The following GNG4 variants were observed in gnomAD, a reference collection of about 807,000 sequenced individuals.
GNG4 encodes the protein G protein subunit gamma 4, also known as guanine nucleotide-binding protein G(I)/G(S)/G(O) subunit gamma-4.
In GNG4, 4 loss-of-function variants were observed where a neutral mutation model predicts 5.8. That is an observed-to-expected ratio of 0.69 (90% confidence interval 0.34 to 1.57). GNG4 has a LOEUF of 1.57. Among genes scored for constraint, GNG4 ranks in the 40% most tolerant of loss-of-function variants. The pLI, the probability that GNG4 is intolerant of heterozygous loss-of-function variation, is 0.06. For synonymous variants in GNG4, 29 were observed against 32.9 expected (o/e 0.88, Z 0.41); for missense variants, 96 against 95.1 (o/e 1.01, Z -0.04).
In GNG4 at chr1:235,644,455, T is replaced by C. The variant is rs912745034; in HGVS notation, c.-123+5207A>G. Among the ~76,000 whole-genome samples the C allele has an allele frequency of 1.1e-4, 16 of 152,282 alleles. 1 individual carries two copies. In the South Asian group the frequency reaches 1.7e-3, roughly 16 times the overall value. ...GGGCATGAGCAAGCCTGACGCTGTC[T>C]CTCATCCTGGTAACACCTTCTTCCC... On this transcript the variant is annotated intron_variant, in intron 1 of 3. Coordinates refer to ENST00000391854, the MANE Select transcript of GNG4 (RefSeq NM_001098722.2). This position sits in a 1 kb window ranked among gnomAD's most constrained non-coding sequence, Gnocchi z 5.9.
At chr1:235,619,782 G>C (rs1052165667) in intron 1 of GNG4, among the ~76,000 whole-genome samples, 4 of 152,142 alleles carry the variant, frequency 2.6e-5, no homozygotes, top group Non-Finnish European at 5.9e-5. Context: ...CAAAGTTTAT[G>C]ACTCTGGAAG....
chr1:235,551,939 A>T lies in GNG4; in HGVS notation c.*170T>A. ...ATAACATGAAAATGAAAAGGAAAAA[A>T]ATGAAATTGAATGCCACGAAGAAAA... On this transcript the variant is annotated 3_prime_UTR_variant, in exon 4 of 4. Transcript: ENST00000391854. 1 of 525,038 alleles carries T rather than the reference A, an allele frequency of 1.9e-6. No individual in the cohort carries two copies. The allele number at this position is 525,038 out of a possible 1,614,324, so 32.5% of individuals were successfully genotyped here.
intron 1 of GNG4, among the ~76,000 whole-genome samples, chr1:235,612,168 C>T (rs922226821): frequency 6.6e-6 from 1 of 151,918 alleles, no homozygotes; most frequent in Non-Finnish European, 1.5e-5. Context: ...TGGAAGACAG[C>T]CCCTCTTTAG....
At chr1:235,600,129 T>TTTTTTTTTTTTTTTTTTTTTG (rs1289825136) in intron 1 of GNG4, among the ~76,000 whole-genome samples, 1 of 113,016 alleles carries the variant, frequency 8.8e-6, no homozygotes, top group Non-Finnish European at 1.8e-5. Flanking sequence ...TTTTTTTTTT[T>TTTTTTTTTTTTTTTTTTTTTG]AGACAGGCAG....
chr1:235,554,440 C>T (rs761127761), intron 3 of GNG4, among the ~76,000 whole-genome samples: 1 of 152,236 alleles, frequency 6.6e-6, no homozygotes, highest in South Asian at 2.1e-4. Context: ...GCAGCACACA[C>T]AAGGGCTGCA....
Position 235,583,849 on chromosome 1 carries a change from C to G in GNG4, c.-10-1G>C. The stretch of plus-strand genomic sequence containing the variant: ...CATGCCCTCTTTCATTCTACTGCCC[C>G]TAGAAGTAACCAAAGTAAAAGGGTT... On this transcript the variant is annotated splice_acceptor_variant, in intron 2 of 3. Coordinates refer to ENST00000391854, the MANE Select transcript of GNG4 (RefSeq NM_001098722.2). LOFTEE classifies it low-confidence loss of function (5UTR_SPLICE). 1 of 1,590,966 alleles carries G rather than the reference C, an allele frequency of 6.3e-7. No individual in the cohort carries two copies. Among genetic ancestry groups the G allele is most frequent in the Non-Finnish European group, 8.6e-7 (1 of 1,159,116 alleles).
chr1:235,552,822 C>T (rs929615589), intron 3 of GNG4, among the ~76,000 whole-genome samples: 2 of 152,008 alleles, frequency 1.3e-5, no homozygotes, highest in African/African-American at 4.8e-5. Context: ...AGTGTGGTGG[C>T]GTGATCTCCG....
At chr1:235,557,645 T>C (rs1267016795) in intron 3 of GNG4, among the ~76,000 whole-genome samples, 1 of 152,108 alleles carries the variant, frequency 6.6e-6, no homozygotes, top group Non-Finnish European at 1.5e-5. Flanking sequence ...TCAACATCCA[T>C]CATGGGCCAG....
chr1:235,580,925 A>AT (rs1312765908), intron 3 of GNG4, among the ~76,000 whole-genome samples: 1 of 151,334 alleles, frequency 6.6e-6, no homozygotes, highest in African/African-American at 2.4e-5. Flanking sequence ...TAATTTTTGT[A>AT]TTTTTTAGTA....
At chr1:235,572,508 C>CTT (rs71174442) in intron 3 of GNG4, among the ~76,000 whole-genome samples, 1,483 of 127,398 alleles carry the variant, frequency 0.012, 37 homozygotes, top group African/African-American at 0.041. Context: ...TTTTTTTTTT[C>CTT]TTTTTTTTTT....
At position 235,649,448 on chromosome 1, in the gene GNG4, G is replaced by T. The variant is rs1042967543; in HGVS notation, c.-123+214C>A. ...TCCACACCCGCGCGCGGGCTTCCCCGGGGCCCGGCGGGAGGTCCCGGGAGA... is the reference window on the plus strand; with the variant it reads ...TCCACACCCGCGCGCGGGCTTCCCCTGGGCCCGGCGGGAGGTCCCGGGAGA... On this transcript the variant is annotated intron_variant, in intron 1 of 3. Coordinates refer to ENST00000391854, the MANE Select transcript of GNG4 (RefSeq NM_001098722.2). The surrounding 1 kb of genome is among the most constrained non-coding windows in gnomAD (Gnocchi z 5.7). 3.3e-5 allele frequency among the ~76,000 whole-genome samples: 5 copies of T among 151,806 alleles called. No homozygotes were observed. The highest frequency in any genetic ancestry group is 1.2e-4 in the African/African-American group (5 of 41,308).
intron 1 of GNG4, among the ~76,000 whole-genome samples, chr1:235,605,348 G>A (rs949902673): frequency 3.9e-5 from 6 of 152,044 alleles, no homozygotes; most frequent in East Asian, 3.9e-4. Flanking sequence ...GCGCCACCAC[G>A]CCCAGCTAAT....
At position 235,551,099 on chromosome 1, in the gene GNG4, C is replaced by G. The variant is rs1462346554; in HGVS notation, c.*1010G>C. 1.3e-5 allele frequency: 2 copies of G among 152,358 alleles called. No individual in the cohort carries two copies. The highest frequency in any genetic ancestry group is 2.9e-5 in the Non-Finnish European group (2 of 68,162). The allele number at this position is 152,358 out of a possible 1,614,324, so 9.4% of individuals were successfully genotyped here. On this transcript the variant is annotated 3_prime_UTR_variant, in exon 4 of 4. Transcript: ENST00000391854. ...GAGAGGGGAGACCGCACCCACAGGT[C>G]TGCCACAGCGCGTCAACGGTATGGG...
At chr1:235,645,790 T>A (rs1657489751) in intron 1 of GNG4, among the ~76,000 whole-genome samples, 1 of 92,356 alleles carries the variant, frequency 1.1e-5, no homozygotes, top group Non-Finnish European at 2.0e-5. Context: ...AGAGGGAAAC[T>A]CAGTCTCAAA....
intron 1 of GNG4, among the ~76,000 whole-genome samples, chr1:235,633,743 C>T (rs780387252): frequency 6.6e-6 from 1 of 152,168 alleles, no homozygotes; most frequent in South Asian, 2.1e-4. Flanking sequence ...CCCACCTCAG[C>T]CTCCCAAAGT....
chr1:235,580,746 GTT>G (rs56370700), intron 3 of GNG4, among the ~76,000 whole-genome samples: 2 of 125,756 alleles, frequency 1.6e-5, no homozygotes, highest in African/African-American at 3.1e-5. Context: ...CCCGTTTTTT[GTT>G]TTTTTTTTTT....
At chr1:235,576,371 C>A (rs1472391508) in intron 3 of GNG4, among the ~76,000 whole-genome samples, 3 of 152,074 alleles carry the variant, frequency 2.0e-5, no homozygotes, top group African/African-American at 7.2e-5. Context: ...CATATATGTA[C>A]TTTTCTAATA....
intron 3 of GNG4, among the ~76,000 whole-genome samples, chr1:235,569,775 A>G (rs1687289397): frequency 6.6e-6 from 1 of 152,092 alleles, no homozygotes; most frequent in African/African-American, 2.4e-5. Flanking sequence ...CACATTGGCC[A>G]GGCTGGTCTC....
intron 3 of GNG4, among the ~76,000 whole-genome samples, chr1:235,556,025 C>T (rs1315356644): frequency 6.6e-6 from 1 of 151,844 alleles, no homozygotes; most frequent in Non-Finnish European, 1.5e-5. Context: ...TGCCACCATG[C>T]CTGGCTAATT....
Sources: allele counts gnomAD v4.1 joint callset (sites outside exome capture counted in the v4.1 genomes callset), GRCh38; gene constraint gnomAD v4.1.1; non-coding constraint Gnocchi (gnomAD v3.1); transcripts MANE v1.5; gene names NCBI Gene and HGNC (gene_info 2026-07-23, HGNC 2026-07-21).